Variants in B3GALT1 observed in about 807,000 individuals in gnomAD.
The protein encoded by B3GALT1 is beta-1,3-galactosyltransferase 1.
A neutral mutation model predicts 23.2 loss-of-function variants in B3GALT1; 10 were observed. That is an observed-to-expected ratio of 0.43 (90% CI 0.27 to 0.73). The LOEUF (loss-of-function observed/expected upper bound fraction) is 0.73. B3GALT1 is among the 30% of genes least tolerant of loss of function. The probability of loss-of-function intolerance (pLI) is 0.21; values close to 1 mark genes in which losing one functional copy is unlikely to be tolerated. For synonymous variants in B3GALT1, 156 were observed against 141.5 expected, an observed-to-expected ratio of 1.10 and a Z score of -0.73; for missense variants, 299 against 405.4, an observed-to-expected ratio of 0.74 and a Z score of 2.25.
chr2:167,408,719 G>T (rs1698347430), intron 1 of B3GALT1, among the ~76,000 whole-genome samples: 1 of 144,972 alleles, frequency 6.9e-6, no homozygotes, highest in Non-Finnish European at 1.5e-5. Flanking sequence ...AAAAAATCGA[G>T]AAACCAAGCC....
At chr2:167,589,174 G>A (rs1388876604) in intron 2 of B3GALT1, among the ~76,000 whole-genome samples, 1 of 152,042 alleles carries the variant, frequency 6.6e-6, no homozygotes, top group Non-Finnish European at 1.5e-5. Flanking sequence ...TCAAACTCCT[G>A]GGCTCAAACA....
At chr2:167,699,380 ATTTT>A (rs1169813738) in intron 3 of B3GALT1, among the ~76,000 whole-genome samples, 11 of 100,188 alleles carry the variant, frequency 1.1e-4, no homozygotes, top group South Asian at 1.0e-3. Flanking sequence ...CATTATTTCT[ATTTT>A]TTTTTTTTTT....
chr2:167,309,123 T>C (rs1312520385), intron 1 of B3GALT1, among the ~76,000 whole-genome samples: 1 of 152,082 alleles, frequency 6.6e-6, no homozygotes, highest in East Asian at 1.9e-4. Flanking sequence ...AATTGACTTG[T>C]CATAGCTCAT....
At chr2:167,501,884 T>G (rs1699854106) in intron 2 of B3GALT1, among the ~76,000 whole-genome samples, 2 of 152,208 alleles carry the variant, frequency 1.3e-5, no homozygotes, top group Non-Finnish European at 2.9e-5. Context: ...ATGAATTGCA[T>G]ATGACATTTA....
intron 2 of B3GALT1, among the ~76,000 whole-genome samples, chr2:167,513,308 C>T (rs1198157281): frequency 1.3e-5 from 2 of 152,046 alleles, no homozygotes; most frequent in African/African-American, 4.8e-5. Context: ...ATCACAGCTT[C>T]GATTTCCAAT....
At chr2:167,809,171 A>G (rs1487877352) in intron 3 of B3GALT1, among the ~76,000 whole-genome samples, 2 of 152,176 alleles carry the variant, frequency 1.3e-5, no homozygotes, top group African/African-American at 2.4e-5. Context: ...TGGTTATTCT[A>G]GTTAGCCATT....
intron 1 of B3GALT1, among the ~76,000 whole-genome samples, chr2:167,431,069 C>T (rs190863325): frequency 1.6e-3 from 242 of 152,180 alleles, no homozygotes; most frequent in African/African-American, 5.5e-3. Context: ...TATGCTGCTG[C>T]CTAGGGAAAA....
chr2:167,357,886 A>G (rs545299089), intron 1 of B3GALT1, among the ~76,000 whole-genome samples: 61 of 152,328 alleles, frequency 4.0e-4, no homozygotes, highest in African/African-American at 1.3e-3. Flanking sequence ...TGAATTCAGG[A>G]TTAATTTTTA....
chr2:167,707,389 T>G (rs1048290873), intron 3 of B3GALT1, among the ~76,000 whole-genome samples: 2 of 152,178 alleles, frequency 1.3e-5, no homozygotes, highest in Non-Finnish European at 2.9e-5. Context: ...CAACACAATT[T>G]TACTATCTTT....
intron 1 of B3GALT1, among the ~76,000 whole-genome samples, chr2:167,393,115 T>A (rs1444894305): frequency 6.6e-6 from 1 of 151,954 alleles, no homozygotes; most frequent in Non-Finnish European, 1.5e-5. Flanking sequence ...GTGCCTGTAG[T>A]CCCAGCTGCT....
intron 2 of B3GALT1, among the ~76,000 whole-genome samples, chr2:167,556,011 C>A (rs1462383816): frequency 6.6e-6 from 1 of 152,054 alleles, no homozygotes; most frequent in Non-Finnish European, 1.5e-5. Context: ...GATGGAATCT[C>A]CAAGGATTTT....
chr2:167,491,991 A>G (rs1342534020), intron 2 of B3GALT1, among the ~76,000 whole-genome samples: 1 of 152,190 alleles, frequency 6.6e-6, no homozygotes, highest in African/African-American at 2.4e-5. Context: ...CTTATAAACT[A>G]AAGTCCATAG....
At chr2:167,465,430 A>C (rs375278784) in intron 1 of B3GALT1, among the ~76,000 whole-genome samples, 14 of 152,212 alleles carry the variant, frequency 9.2e-5, no homozygotes, top group African/African-American at 2.9e-4. Context: ...TGCTAGATCA[A>C]GTCTCCAGCA....
At chr2:167,670,428 A>G (rs1447636511) in intron 3 of B3GALT1, among the ~76,000 whole-genome samples, 1 of 152,218 alleles carries the variant, frequency 6.6e-6, no homozygotes, top group African/African-American at 2.4e-5. Context: ...CCAGTCAATA[A>G]AGACTGGTAG....
chr2:167,817,753 A>G (rs920620522), intron 3 of B3GALT1, among the ~76,000 whole-genome samples: 2 of 151,970 alleles, frequency 1.3e-5, no homozygotes, highest in East Asian at 3.8e-4. Flanking sequence ...AACTTACTCT[A>G]TGATATACAT....
intron 3 of B3GALT1, among the ~76,000 whole-genome samples, chr2:167,700,792 C>G (rs1480217718): frequency 6.6e-6 from 1 of 152,112 alleles, no homozygotes; most frequent in East Asian, 1.9e-4. Context: ...CAGGCTCAAT[C>G]AGATAGCAAG....
At chr2:167,401,258 G>C (rs1698184665) in intron 1 of B3GALT1, among the ~76,000 whole-genome samples, 1 of 152,056 alleles carries the variant, frequency 6.6e-6, no homozygotes, top group South Asian at 2.1e-4. Context: ...GTCTTTCCTT[G>C]TCCCTCTTCC....
At chr2:167,316,111 G>T (rs1696713722) in intron 1 of B3GALT1, among the ~76,000 whole-genome samples, 1 of 150,734 alleles carries the variant, frequency 6.6e-6, no homozygotes, top group East Asian at 1.9e-4. Context: ...AGAACTGATA[G>T]AGATAGAGGG....
rs1351823695 is a variant in B3GALT1 at position 167,869,641 on chromosome 2, G to T, written c.602G>T (p.Arg201Met). ...AAACCCTCCACCAAGCCACGAAGAA[G>T]GTATTTTACTGGCTATGTCATTAAT... Reference protein sequence around the residue: ...LLKPSTKPRRRYFTGYVINGG... With the variant: ...LLKPSTKPRRMYFTGYVINGG... Residue 201 changes from arginine (R) to methionine (M), a missense_variant, in exon 5 of 5, where the codon AGG becomes ATG. Transcript: ENST00000392690. The surrounding 1 kb of genome is among the most constrained non-coding windows in gnomAD (Gnocchi z 6.4). 6.2e-7 allele frequency: 1 copy of T among 1,614,140 alleles called. No individual in the cohort carries two copies. The highest frequency in any genetic ancestry group is 1.1e-5 in the South Asian group (1 of 91,078).
Sources: gnomAD v4.1 joint callset for allele counts (sites outside exome capture counted in the v4.1 genomes callset) on GRCh38, gnomAD v4.1.1 for gene constraint, Gnocchi (gnomAD v3.1) non-coding constraint, MANE v1.5 for transcripts, NCBI Gene and HGNC (gene_info 2026-07-23, HGNC 2026-07-21) for gene names.